The following TASP1 variants were observed in gnomAD, a reference collection of about 807,000 sequenced individuals.
TASP1 encodes taspase 1.
TASP1 carries 16 observed loss-of-function variants against 56.6 expected under a neutral mutation model. The observed-to-expected ratio is 0.28, with a 90% CI of 0.19 to 0.43. The LOEUF is 0.43. Among genes scored for constraint, TASP1 ranks in the 20% least tolerant of loss-of-function variants. The pLI, the probability that TASP1 is intolerant of heterozygous loss-of-function variation, is 1.00. For synonymous variants in TASP1, 179 were observed against 184.2 expected, an observed-to-expected ratio of 0.97 and a Z score of 0.23; for missense variants, 393 against 511.6, an observed-to-expected ratio of 0.77 and a Z score of 2.24.
At chr20:13,369,630 G>A in the TASP1 span, among the ~76,000 whole-genome samples, 55 of 152,134 alleles carry the variant, frequency 3.6e-4, 3 homozygotes, top group East Asian at 9.9e-3. Context: ...TGGCTGTGTC[G>A]CAATTTCCCA....
chr20:13,115,973 T>C, the TASP1 span, among the ~76,000 whole-genome samples: 1 of 152,216 alleles, frequency 6.6e-6, no homozygotes, highest in Non-Finnish European at 1.5e-5. Context: ...GAAACAATTT[T>C]AACAAGCAAT....
chr20:13,564,852 A>C (rs942176823), intron 7 of TASP1, among the ~76,000 whole-genome samples: 1 of 151,966 alleles, frequency 6.6e-6, no homozygotes, highest in South Asian at 2.1e-4. Context: ...AATACAAAAA[A>C]AAAATTAGCC....
intron 12 of TASP1, among the ~76,000 whole-genome samples, chr20:13,426,374 G>T (rs989540078): frequency 6.6e-6 from 1 of 152,182 alleles, no homozygotes; most frequent in South Asian, 2.1e-4. Context: ...ATAGTCATTA[G>T]AATTCTATTC....
intron 10 of TASP1, among the ~76,000 whole-genome samples, chr20:13,509,203 C>T (rs997549279): frequency 1.3e-5 from 2 of 148,852 alleles, no homozygotes; most frequent in East Asian, 4.0e-4. Context: ...TCATTTGTGA[C>T]AACATGGATG....
chr20:13,512,963 C>A (rs1478717613), intron 10 of TASP1, among the ~76,000 whole-genome samples: 3 of 152,086 alleles, frequency 2.0e-5, no homozygotes, highest in Admixed American at 2.0e-4. Flanking sequence ...TGGTCTATAT[C>A]TCTGTTTTGG....
chr20:13,472,529 C>A (rs1003883773), intron 11 of TASP1, among the ~76,000 whole-genome samples: 1 of 150,900 alleles, frequency 6.6e-6, no homozygotes, highest in Non-Finnish European at 1.5e-5. Context: ...AAAGAAACTA[C>A]CATCAGAGTG....
At chr20:13,282,249 G>A in the TASP1 span, among the ~76,000 whole-genome samples, 1 of 152,258 alleles carries the variant, frequency 6.6e-6, no homozygotes, top group East Asian at 1.9e-4. Flanking sequence ...CTCCGAGGAT[G>A]ACTTCATTGT....
At chr20:13,286,205 C>T in the TASP1 span, among the ~76,000 whole-genome samples, 11 of 151,984 alleles carry the variant, frequency 7.2e-5, no homozygotes, top group Non-Finnish European at 1.5e-4. Flanking sequence ...TGCTCATGTG[C>T]GTATGACCCG....
chr20:13,515,721 T>G (rs2044502721), intron 10 of TASP1, among the ~76,000 whole-genome samples: 1 of 152,078 alleles, frequency 6.6e-6, no homozygotes, highest in Non-Finnish European at 1.5e-5. Context: ...GTCAAACATC[T>G]GAAAGCAAAA....
chr20:13,444,480 G>A (rs150720380), intron 11 of TASP1, among the ~76,000 whole-genome samples: 6 of 152,200 alleles, frequency 3.9e-5, no homozygotes, highest in East Asian at 1.9e-4. Flanking sequence ...TCAGGTGAGC[G>A]AGAAAATACT....
intron 10 of TASP1, among the ~76,000 whole-genome samples, chr20:13,514,257 T>A (rs1199828089): frequency 6.6e-6 from 1 of 152,060 alleles, no homozygotes; most frequent in African/African-American, 2.4e-5. Context: ...TTATGATAGA[T>A]TACAACATAT....
chr20:13,502,903 G>A (rs1253314461), intron 10 of TASP1, among the ~76,000 whole-genome samples: 1 of 152,152 alleles, frequency 6.6e-6, no homozygotes, highest in East Asian at 1.9e-4. Context: ...ATGGGTAAGA[G>A]GGATGACCCT....
At chr20:13,611,998 G>A (rs938198117) in intron 4 of TASP1, among the ~76,000 whole-genome samples, 2 of 152,172 alleles carry the variant, frequency 1.3e-5, no homozygotes, top group Non-Finnish European at 2.9e-5. Context: ...AGCTTCTTCA[G>A]ATGCAAAATC....
the TASP1 span, among the ~76,000 whole-genome samples, chr20:13,107,982 A>T: frequency 1.3e-5 from 2 of 152,182 alleles, no homozygotes; most frequent in Non-Finnish European, 2.9e-5. Flanking sequence ...GAAGTCAAAT[A>T]GTGTATTAAC....
the TASP1 span, chr20:13,126,619 C>T: frequency 2.2e-5 from 35 of 1,613,796 alleles, no homozygotes; most frequent in Non-Finnish European, 2.9e-5. Context: ...CGGGTTCACT[C>T]GCATAGTGCT....
At chr20:13,331,601 T>G in the TASP1 span, among the ~76,000 whole-genome samples, 1 of 152,144 alleles carries the variant, frequency 6.6e-6, no homozygotes, top group East Asian at 1.9e-4. Flanking sequence ...TTGTGCTATA[T>G]AAACTTGTAC....
At chr20:13,307,568 C>T in the TASP1 span, among the ~76,000 whole-genome samples, 1 of 152,142 alleles carries the variant, frequency 6.6e-6, no homozygotes, top group South Asian at 2.1e-4. Flanking sequence ...GCAAAACCAG[C>T]ACTCCCATGC....
chr20:13,347,164 T>C, the TASP1 span, among the ~76,000 whole-genome samples: 1 of 152,220 alleles, frequency 6.6e-6, no homozygotes, highest in South Asian at 2.1e-4. Context: ...GTTTATACAG[T>C]CACAGAAAAG....
the TASP1 span, among the ~76,000 whole-genome samples, chr20:13,286,305 C>G: frequency 6.6e-6 from 1 of 151,644 alleles, no homozygotes; most frequent in Non-Finnish European, 1.5e-5. Flanking sequence ...CTGAGAGACA[C>G]CAGACTGCAA....
Sources: allele counts gnomAD v4.1 joint callset (sites outside exome capture counted in the v4.1 genomes callset), GRCh38; gene constraint gnomAD v4.1.1; transcripts MANE v1.5; gene names NCBI Gene and HGNC (gene_info 2026-07-23, HGNC 2026-07-21).